Variants in TPTE observed in about 807,000 individuals in gnomAD.
TPTE encodes the protein transmembrane phosphatase with tensin homology, also known as putative tyrosine-protein phosphatase TPTE.
In TPTE, 59 loss-of-function variants were observed where a neutral mutation model predicts 84.1. The ratio of observed to expected loss-of-function variants is 0.70; its 90% CI spans 0.57 to 0.87. TPTE has a LOEUF of 0.87. Among genes scored for constraint, TPTE ranks in the 40% least tolerant of loss-of-function variants. TPTE has a pLI of 0.00. For synonymous variants in TPTE, 130 were observed against 223.5 expected (o/e 0.58, Z 3.73); for missense variants, 382 against 659.6 (o/e 0.58, Z 4.61).
intron 17 of TPTE, among the ~76,000 whole-genome samples, chr21:10,580,131 C>A (rs1313232201): frequency 6.6e-6 from 1 of 152,308 alleles, no homozygotes; most frequent in African/African-American, 2.4e-5. Flanking sequence ...TCTCATTATA[C>A]CTCTTGGCCA....
At chr21:10,538,314 A>AGAAG (rs535175670) in intron 3 of TPTE, among the ~76,000 whole-genome samples, 214 of 152,236 alleles carry the variant, frequency 1.4e-3, no homozygotes, top group African/African-American at 5.0e-3. Flanking sequence ...AATCAAGTGA[A>AGAAG]GAAGTAATGG....
intron 7 of TPTE, among the ~76,000 whole-genome samples, chr21:10,550,875 T>G (rs1468602210): frequency 5.3e-5 from 8 of 152,308 alleles, no homozygotes; most frequent in African/African-American, 1.7e-4. Flanking sequence ...CTCAACAAAT[T>G]TTTAAAAATT....
chr21:10,551,819 C>G (rs1411103069), intron 7 of TPTE, among the ~76,000 whole-genome samples: 15 of 152,428 alleles, frequency 9.8e-5, no homozygotes, highest in African/African-American at 3.4e-4. Flanking sequence ...AGGAGGTGGA[C>G]AAAATCCTTG....
chr21:10,560,150 TCTGCAAAAGTAA>T (rs2074767217), intron 9 of TPTE, among the ~76,000 whole-genome samples: 3 of 152,414 alleles, frequency 2.0e-5, no homozygotes, highest in African/African-American at 7.2e-5. Context: ...TTTTCTTCCA[TCTGCAAAAGTAA>T]CATTAATGAA....
At chr21:10,589,187 A>G (rs1223180624) in intron 17 of TPTE, among the ~76,000 whole-genome samples, 30 of 152,322 alleles carry the variant, frequency 2.0e-4, no homozygotes, top group African/African-American at 6.7e-4. Flanking sequence ...TATTATTGTT[A>G]TTTTTTTCTT....
chr21:10,584,751 C>A (rs2075332476), intron 17 of TPTE, among the ~76,000 whole-genome samples: 1 of 152,310 alleles, frequency 6.6e-6, no homozygotes, highest in Non-Finnish European at 1.5e-5. Context: ...CCATTTCAGT[C>A]ATTCATCTCC....
intron 3 of TPTE, among the ~76,000 whole-genome samples, chr21:10,528,262 A>G (rs1300473436): frequency 6.6e-6 from 1 of 152,308 alleles, no homozygotes; most frequent in Non-Finnish European, 1.5e-5. Flanking sequence ...AATCCTTTGC[A>G]CTGACTCCAA....
rs547594089 is a variant in TPTE at position 10,605,492 on chromosome 21, C to T, written c.1596C>T (p.Ala532=). The change falls in exon 24 of 24, where the codon GCC becomes GCT. Residue 532 remains alanine (A), a synonymous_variant. Coordinates refer to ENST00000618007, the MANE Select transcript of TPTE (RefSeq NM_199261.4). ...GGAGAATTTATCCATCAGATTTTGC[C>T]GTGGAGATACTTTTTGGCGAGAAAA... is the stretch of plus-strand genomic sequence containing the variant. ...KARRIYPSDF[A]VEILFGEKMT... 10 of 1,614,214 alleles carry T rather than the reference C, an allele frequency of 6.2e-6. No individual in the cohort carries two copies. Among genetic ancestry groups the T allele is most frequent in the East Asian group, 2.2e-5 (1 of 44,880 alleles).
intron 4 of TPTE, among the ~76,000 whole-genome samples, chr21:10,539,002 C>G (rs569264656): frequency 6.6e-6 from 1 of 152,306 alleles, no homozygotes; most frequent in Non-Finnish European, 1.5e-5. Context: ...AATTCTTCTC[C>G]TAGTAGCCTT....
intron 19 of TPTE, among the ~76,000 whole-genome samples, chr21:10,593,479 T>A (rs1471008370): frequency 6.6e-6 from 1 of 152,246 alleles, no homozygotes; most frequent in Non-Finnish European, 1.5e-5. Flanking sequence ...GTTCATAGAT[T>A]TCTCACCATT....
chr21:10,566,792 C>T (rs1242273813), intron 10 of TPTE, among the ~76,000 whole-genome samples: 2 of 152,416 alleles, frequency 1.3e-5, no homozygotes, highest in East Asian at 1.9e-4. Flanking sequence ...GCCTGACCAA[C>T]ATGGAGAAAC....
intron 17 of TPTE, among the ~76,000 whole-genome samples, chr21:10,583,302 G>A (rs2075302820): frequency 6.6e-6 from 1 of 152,308 alleles, no homozygotes; most frequent in South Asian, 2.1e-4. Flanking sequence ...ATCTTATGGT[G>A]GTGATCATTT....
At chr21:10,588,197 GTTTTT>G (rs56003123) in intron 17 of TPTE, among the ~76,000 whole-genome samples, 2 of 149,574 alleles carry the variant, frequency 1.3e-5, no homozygotes, top group African/African-American at 2.5e-5. Context: ...TTTCTTGAGT[GTTTTT>G]TTTTTTTTAT....
At chr21:10,588,990 T>C (rs1292374529) in intron 17 of TPTE, among the ~76,000 whole-genome samples, 7 of 152,308 alleles carry the variant, frequency 4.6e-5, no homozygotes, top group African/African-American at 1.7e-4. Flanking sequence ...TTGTTTATTG[T>C]CATCTCTGAG....
chr21:10,560,183 TA>T (rs1271704833), intron 9 of TPTE, among the ~76,000 whole-genome samples: 1 of 152,300 alleles, frequency 6.6e-6, no homozygotes, highest in African/African-American at 2.4e-5. Context: ...AATCAAATGT[TA>T]AAATTCTATA....
In TPTE at chr21:10,549,835, TCAAAGAACCC is replaced by T. The variant is rs578163651; in HGVS notation, c.174-2817_174-2808del. On this transcript the variant is annotated intron_variant, in intron 7 of 23. Transcript: ENST00000618007. ...AGCTAGACATCTAGTTCCAGGAAGA[TCAAAGAACCC>T]CAAATACATTCAACCCAGACATTAT... Among the ~76,000 whole-genome samples the T allele has an allele frequency of 7.2e-5, 11 of 152,416 alleles. No individual in the cohort carries two copies. In the South Asian group the frequency reaches 2.3e-3, roughly 32 times the overall value.
At chr21:10,550,812 C>T (rs1404993327) in intron 7 of TPTE, among the ~76,000 whole-genome samples, 3 of 152,308 alleles carry the variant, frequency 2.0e-5, no homozygotes, top group Admixed American at 6.5e-5. Context: ...TTCTTTTCAT[C>T]AGCACATGAA....
chr21:10,583,391 C>T (rs1434750340), intron 17 of TPTE, among the ~76,000 whole-genome samples: 1 of 152,304 alleles, frequency 6.6e-6, no homozygotes, highest in African/African-American at 2.4e-5. Context: ...TGTAAAGTAA[C>T]TTTTTAATTT....
intron 8 of TPTE, among the ~76,000 whole-genome samples, chr21:10,553,747 TG>T (rs2074625354): frequency 6.6e-6 from 1 of 152,312 alleles, no homozygotes; most frequent in African/African-American, 2.4e-5. Flanking sequence ...AATCAGTGCT[TG>T]CCTTTGGCAT....
Sources: gnomAD v4.1 joint callset for allele counts (sites outside exome capture counted in the v4.1 genomes callset) on GRCh38, gnomAD v4.1.1 for gene constraint, MANE v1.5 for transcripts, NCBI Gene and HGNC (gene_info 2026-07-23, HGNC 2026-07-21) for gene names.